Variants in TAAR5 observed in about 807,000 individuals in gnomAD.
TAAR5 encodes trace amine-associated receptor 5.
In TAAR5, 27 loss-of-function variants were observed where a neutral mutation model predicts 21.1. The ratio of observed to expected loss-of-function variants is 1.28; its 90% CI spans 0.94 to 1.76. The LOEUF (loss-of-function observed/expected upper bound fraction) is 1.76, where lower values mean the gene tolerates loss of function less well. Ranked by LOEUF, TAAR5 falls within the 40% of genes most tolerant of loss-of-function variation. The probability of loss-of-function intolerance (pLI) is 0.00; values close to 1 mark genes in which losing one functional copy is unlikely to be tolerated. For missense variants in TAAR5, 495 were observed against 405.6 expected (o/e 1.22, Z -1.89); for synonymous variants, 203 against 167.5 (o/e 1.21, Z -1.64).
the TAAR5 span, among the ~76,000 whole-genome samples, chr6:132,607,507 G>A: frequency 1.3e-5 from 2 of 152,106 alleles, no homozygotes; most frequent in Non-Finnish European, 2.9e-5. Context: ...TGGAGAAAGT[G>A]GTTGAAACAA....
chr6:132,602,186 T>G, the TAAR5 span, among the ~76,000 whole-genome samples: 1 of 152,182 alleles, frequency 6.6e-6, no homozygotes, highest in Non-Finnish European at 1.5e-5. Flanking sequence ...GAAGACAATA[T>G]TTCCACAAAT....
At chr6:132,606,444 G>T in the TAAR5 span, among the ~76,000 whole-genome samples, 1 of 152,068 alleles carries the variant, frequency 6.6e-6, no homozygotes, top group African/African-American at 2.4e-5. Flanking sequence ...GGCATGAGTG[G>T]GTGATGTCTA....
chr6:132,591,967 C>T (rs1490629024), upstream of TAAR5, among the ~76,000 whole-genome samples: 1 of 152,148 alleles, frequency 6.6e-6, no homozygotes, highest in African/African-American at 2.4e-5. Flanking sequence ...TTGAGTTGGG[C>T]AGACAAGAGT....
chr6:132,603,377 T>C, the TAAR5 span, among the ~76,000 whole-genome samples: 3 of 151,762 alleles, frequency 2.0e-5, no homozygotes, highest in Non-Finnish European at 1.5e-5. Context: ...AAAATTAGTA[T>C]TCTTATTTAG....
At chr6:132,591,189 C>G (rs1776900929), upstream of TAAR5, among the ~76,000 whole-genome samples, 1 of 152,178 alleles carries the variant, frequency 6.6e-6, no homozygotes, top group African/African-American at 2.4e-5. Context: ...ACCTGTGTAA[C>G]TTGATTTCAC....
chr6:132,595,078 G>A, the TAAR5 span: 3 of 152,562 alleles, frequency 2.0e-5, no homozygotes, highest in South Asian at 6.2e-4. Context: ...GTGAAAAATG[G>A]AGGTGGTGCA....
chr6:132,596,928 A>C, the TAAR5 span, among the ~76,000 whole-genome samples: 1 of 152,174 alleles, frequency 6.6e-6, no homozygotes, highest in African/African-American at 2.4e-5. Flanking sequence ...TTTGTAATTT[A>C]AAAACCTTTC....
At chr6:132,614,871 T>C in the TAAR5 span, among the ~76,000 whole-genome samples, 1 of 152,150 alleles carries the variant, frequency 6.6e-6, no homozygotes, top group Non-Finnish European at 1.5e-5. Context: ...GGTTTTGGTT[T>C]TGGTTTTCTT....
At chr6:132,615,985 T>C in the TAAR5 span, among the ~76,000 whole-genome samples, 2 of 152,072 alleles carry the variant, frequency 1.3e-5, no homozygotes, top group African/African-American at 2.4e-5. Flanking sequence ...TTTGATACTA[T>C]CTATTTTCTT....
At chr6:132,592,271 C>T (rs6904087), upstream of TAAR5, among the ~76,000 whole-genome samples, 48,525 of 152,114 alleles carry the variant, frequency 0.32, 8,098 homozygotes, top group Non-Finnish European at 0.38. Flanking sequence ...TTCAAATTAC[C>T]GCCAACTTTA....
chr6:132,612,768 G>C, the TAAR5 span, among the ~76,000 whole-genome samples: 1 of 152,064 alleles, frequency 6.6e-6, no homozygotes, highest in African/African-American at 2.4e-5. Flanking sequence ...TTTTCTTCCA[G>C]TTAAAACTCA....
the TAAR5 span, among the ~76,000 whole-genome samples, chr6:132,615,398 A>T: frequency 6.6e-6 from 1 of 152,248 alleles, no homozygotes; most frequent in South Asian, 2.1e-4. Context: ...GAGAATTTTT[A>T]TTTTTACTTC....
At chr6:132,605,393 G>A in the TAAR5 span, among the ~76,000 whole-genome samples, 8 of 152,166 alleles carry the variant, frequency 5.3e-5, no homozygotes, top group Non-Finnish European at 7.3e-5. Context: ...CACAGATTCC[G>A]TATAACCTTA....
At chr6:132,612,538 T>C in the TAAR5 span, among the ~76,000 whole-genome samples, 1 of 152,038 alleles carries the variant, frequency 6.6e-6, no homozygotes, top group Admixed American at 6.6e-5. Context: ...ACTGATCCTA[T>C]AGCATGAGAA....
the TAAR5 span, among the ~76,000 whole-genome samples, chr6:132,613,016 T>A: frequency 2.6e-5 from 4 of 152,192 alleles, no homozygotes; most frequent in Admixed American, 2.6e-4. Flanking sequence ...TTCTATAAGA[T>A]GTTTCAACAT....
At chr6:132,598,591 C>T in the TAAR5 span, among the ~76,000 whole-genome samples, 7 of 152,316 alleles carry the variant, frequency 4.6e-5, no homozygotes, top group South Asian at 1.5e-3. Flanking sequence ...TGTAGGTAGG[C>T]TCCTAGCAGG....
chr6:132,595,894 A>T, the TAAR5 span, among the ~76,000 whole-genome samples: 1 of 152,224 alleles, frequency 6.6e-6, no homozygotes, highest in Non-Finnish European at 1.5e-5. Context: ...TCTGAATATT[A>T]TGCTGATGCT....
chr6:132,599,335 T>C, the TAAR5 span, among the ~76,000 whole-genome samples: 4 of 144,710 alleles, frequency 2.8e-5, no homozygotes, highest in African/African-American at 1.0e-4. Flanking sequence ...TTTTTTTTTT[T>C]TTTTTTTTTT....
upstream of TAAR5, chr6:132,589,744 A>C (rs2114575276): frequency 3.0e-5 from 1 of 33,428 alleles, no homozygotes; most frequent in South Asian, 9.3e-4. Context: ...CTGGAGGGCA[A>C]AAAAAAAAAA....
Sources: allele counts gnomAD v4.1 joint callset (sites outside exome capture counted in the v4.1 genomes callset), GRCh38; gene constraint gnomAD v4.1.1; transcripts MANE v1.5; gene names NCBI Gene and HGNC (gene_info 2026-07-23, HGNC 2026-07-21).